ACTR3B: variants seen among roughly 807,000 people sequenced by gnomAD.
ACTR3B encodes the protein actin-related protein 3B.
A neutral mutation model predicts 59.0 loss-of-function variants in ACTR3B; 8 were observed. The ratio of observed to expected loss-of-function variants is 0.14; its 90% CI spans 0.08 to 0.24. The LOEUF (loss-of-function observed/expected upper bound fraction) is 0.24, where lower values mean the gene tolerates loss of function less well. ACTR3B is among the 10% of genes least tolerant of loss of function. The pLI is 1.00. For synonymous variants in ACTR3B, 148 were observed against 197.9 expected, an observed-to-expected ratio of 0.75 and a Z score of 2.12; for missense variants, 245 against 552.3, an observed-to-expected ratio of 0.44 and a Z score of 5.58.
intron 5 of ACTR3B, among the ~76,000 whole-genome samples, chr7:152,815,951 C>CTTT (rs1795658991): frequency 6.6e-6 from 1 of 151,180 alleles, no homozygotes; most frequent in Non-Finnish European, 1.5e-5. Context: ...TTTTTCTTTC[C>CTTT]TTTTTTTATT....
chr7:152,853,387 T>G, intron 10 of ACTR3B, 107 bp from the exon 11 acceptor site: 2 of 927,320 alleles, frequency 2.2e-6, no homozygotes, highest in Non-Finnish European at 1.7e-6. Context: ...GCTCGTGCCA[T>G]AAGAGGAGGG....
chr7:152,772,367 C>T (rs962840444), intron 1 of ACTR3B, among the ~76,000 whole-genome samples: 3 of 149,836 alleles, frequency 2.0e-5, no homozygotes, highest in African/African-American at 4.9e-5. Context: ...CCCCTGCCCC[C>T]TAAAAGAAAA....
intron 2 of ACTR3B, among the ~76,000 whole-genome samples, chr7:152,795,352 TTC>T (rs1421434714): frequency 6.6e-6 from 1 of 152,228 alleles, no homozygotes; most frequent in Non-Finnish European, 1.5e-5. Flanking sequence ...TGGCCTCAAA[TTC>T]ACTCTTATAG....
intron 1 of ACTR3B, among the ~76,000 whole-genome samples, chr7:152,763,183 G>C (rs2098095642): frequency 1.3e-5 from 2 of 151,616 alleles, no homozygotes; most frequent in African/African-American, 4.8e-5. Context: ...GGGTGTGGTG[G>C]TGCGTGCCTG....
chr7:152,836,887 C>T (rs1797503358), intron 9 of ACTR3B, among the ~76,000 whole-genome samples: 3 of 152,162 alleles, frequency 2.0e-5, no homozygotes, highest in African/African-American at 7.2e-5. Flanking sequence ...ATTAAGAATG[C>T]AGGCCGGCCT....
Position 152,854,628 on chromosome 7 carries a change from G to C in ACTR3B, c.*75G>C. The C allele has an allele frequency of 6.7e-7, 1 of 1,489,330 alleles. No homozygotes were observed. The highest frequency in any genetic ancestry group is 9.3e-7 in the Non-Finnish European group (1 of 1,071,396). 92.3% of individuals were successfully genotyped at this position (1,489,330 alleles called of 1,614,324 possible). On this transcript the variant is annotated 3_prime_UTR_variant, in exon 12 of 12. Coordinates refer to ENST00000256001, the MANE Select transcript of ACTR3B (RefSeq NM_020445.6). The surrounding 1 kb of genome is among the most constrained non-coding windows in gnomAD (Gnocchi z 4.9). The stretch of plus-strand genomic sequence containing the variant: ...CCTTCAGAACCCAGAGAAGGCCGCC[G>C]TTCTGTAAATAGCGACGTCGGTGTT...
intron 7 of ACTR3B, among the ~76,000 whole-genome samples, chr7:152,822,498 G>A (rs1796255034): frequency 6.6e-6 from 1 of 152,328 alleles, no homozygotes; most frequent in Non-Finnish European, 1.5e-5. Context: ...AATCGTTAGC[G>A]ACTTCTCTCG....
At chr7:152,832,065 C>T (rs544869135) in intron 9 of ACTR3B, among the ~76,000 whole-genome samples, 5 of 152,216 alleles carry the variant, frequency 3.3e-5, no homozygotes, top group South Asian at 2.1e-4. Flanking sequence ...TAGAACCACG[C>T]GGAGGCAGGA....
At chr7:152,782,608 C>T (rs2116612229) in intron 1 of ACTR3B, among the ~76,000 whole-genome samples, 1 of 152,048 alleles carries the variant, frequency 6.6e-6, no homozygotes, top group East Asian at 1.9e-4. Context: ...GTAGCTGTTT[C>T]TTAGACATAT....
chr7:152,766,533 CT>C (rs914526688), intron 1 of ACTR3B, among the ~76,000 whole-genome samples: 1 of 152,192 alleles, frequency 6.6e-6, no homozygotes, highest in African/African-American at 2.4e-5. Flanking sequence ...AAGGCCATTC[CT>C]CCAAGCAGGA....
chr7:152,769,274 AG>A (rs1249427596), intron 1 of ACTR3B, among the ~76,000 whole-genome samples: 3 of 152,130 alleles, frequency 2.0e-5, no homozygotes, highest in Non-Finnish European at 4.4e-5. Flanking sequence ...GCTTTATGAA[AG>A]TTGTTGCTGC....
At chr7:152,795,117 C>A (rs1359731299) in intron 2 of ACTR3B, among the ~76,000 whole-genome samples, 1 of 151,612 alleles carries the variant, frequency 6.6e-6, no homozygotes. Context: ...TCACTGCAAC[C>A]CCTGCCACCT....
At chr7:152,806,470 G>A (rs1006172919) in intron 4 of ACTR3B, among the ~76,000 whole-genome samples, 1 of 152,168 alleles carries the variant, frequency 6.6e-6, no homozygotes, top group Non-Finnish European at 1.5e-5. Context: ...AAAAGTTAAG[G>A]CTTTATTTTT....
chr7:152,846,742 G>A (rs986238374), intron 9 of ACTR3B, among the ~76,000 whole-genome samples: 1 of 143,984 alleles, frequency 6.9e-6, no homozygotes, highest in Non-Finnish European at 1.5e-5. Flanking sequence ...AGCGCCCGGG[G>A]CTGTAGTCTG....
chr7:152,766,754 T>G (rs940412877), intron 1 of ACTR3B, among the ~76,000 whole-genome samples: 5 of 152,232 alleles, frequency 3.3e-5, no homozygotes, highest in Non-Finnish European at 7.3e-5. Context: ...GTTTTTTTCA[T>G]TCCCAGATTA....
chr7:152,801,286 C>T (rs1442662496), intron 3 of ACTR3B, among the ~76,000 whole-genome samples: 1 of 152,144 alleles, frequency 6.6e-6, no homozygotes, highest in African/African-American at 2.4e-5. Flanking sequence ...TGCTATGTTG[C>T]CCTGGCTGGT....
At chr7:152,806,620 C>T (rs2098252814) in intron 4 of ACTR3B, among the ~76,000 whole-genome samples, 1 of 152,164 alleles carries the variant, frequency 6.6e-6, no homozygotes, top group Non-Finnish European at 1.5e-5. Flanking sequence ...ACTGCACCTC[C>T]AGCTATCACC....
At chr7:152,799,470 A>G (rs1482902763) in intron 2 of ACTR3B, among the ~76,000 whole-genome samples, 3 of 152,220 alleles carry the variant, frequency 2.0e-5, no homozygotes, top group Admixed American at 2.0e-4. Context: ...ATAGTGTGCA[A>G]AAGGAAACAC....
Position 152,835,429 on chromosome 7 carries a change from C to T in ACTR3B, c.951+10307C>T, listed in dbSNP as rs544000259. On this transcript the variant is annotated intron_variant, in intron 9 of 11. Transcript: ENST00000256001. ...GTGAGCCACACACACTTTTTGGTTT[C>T]CTGGTGCACATGAAGGCTATGTTTG... Among the ~76,000 whole-genome samples, 2 of 152,196 alleles carry T rather than the reference C, an allele frequency of 1.3e-5. 1 individual carries two copies. The highest frequency in any genetic ancestry group is 4.8e-5 in the African/African-American group (2 of 41,528).
Sources: allele counts gnomAD v4.1 joint callset (sites outside exome capture counted in the v4.1 genomes callset), GRCh38; gene constraint gnomAD v4.1.1; non-coding constraint Gnocchi (gnomAD v3.1); transcripts MANE v1.5; gene names NCBI Gene and HGNC (gene_info 2026-07-23, HGNC 2026-07-21).